Variants in DPP6 observed in about 807,000 individuals in gnomAD.
DPP6 encodes A-type potassium channel modulatory protein DPP6.
DPP6 carries 69 observed loss-of-function variants against 122.6 expected under a neutral mutation model. That is an observed-to-expected ratio of 0.56 (90% CI 0.46 to 0.69). DPP6 has a LOEUF of 0.69. Ranked by LOEUF, DPP6 falls within the 30% of genes least tolerant of loss-of-function variation. The probability of loss-of-function intolerance (pLI) is 0.00; values close to 1 mark genes in which losing one functional copy is unlikely to be tolerated. For missense variants in DPP6, 928 were observed against 1,116.9 expected, an observed-to-expected ratio of 0.83 and a Z score of 2.41; for synonymous variants, 418 against 433.1, an observed-to-expected ratio of 0.97 and a Z score of 0.43.
At chr7:154,051,503 G>A (rs1175870043), upstream of DPP6, among the ~76,000 whole-genome samples, 1 of 149,228 alleles carries the variant, frequency 6.7e-6, no homozygotes, top group African/African-American at 2.5e-5. Context: ...GAGCCCGCTG[G>A]TGCGGGTGTC....
At chr7:154,852,527 C>CCCTCTCCTG (rs1342991404) in intron 16 of DPP6, among the ~76,000 whole-genome samples, 1 of 151,876 alleles carries the variant, frequency 6.6e-6, no homozygotes. Flanking sequence ...TCCCTCTCCT[C>CCCTCTCCTG]CCTCTCCTGC....
At chr7:154,539,177 G>A (rs1284262024) in intron 3 of DPP6, among the ~76,000 whole-genome samples, 2 of 152,174 alleles carry the variant, frequency 1.3e-5, no homozygotes, top group Non-Finnish European at 2.9e-5. Flanking sequence ...CAGAAAGATA[G>A]TGTTTTCCTT....
intron 1 of DPP6, among the ~76,000 whole-genome samples, chr7:154,180,472 A>G (rs1463473422): frequency 1.4e-5 from 2 of 146,134 alleles, no homozygotes; most frequent in African/African-American, 5.0e-5. Context: ...ATATATATTT[A>G]TATAATGTTA....
chr7:154,496,774 C>T (rs1440575280), intron 3 of DPP6, among the ~76,000 whole-genome samples: 1 of 152,310 alleles, frequency 6.6e-6, no homozygotes, highest in East Asian at 1.9e-4. Flanking sequence ...AGGATCGAGG[C>T]CTTCCTTAGT....
rs540454909 is a variant in DPP6, at chr7:154,360,557, A to G, written c.244-85657A>G. Among the ~76,000 whole-genome samples the G allele has an allele frequency of 9.2e-5, 14 of 152,320 alleles. No homozygotes were observed. The South Asian group carries it at 2.7e-3, about 29-fold the overall frequency. On this transcript the variant is annotated intron_variant, in intron 1 of 25. Transcript: ENST00000377770. ...GTGTGTTGCTACCTCTGAAAACTTG[A>G]TTTAGTGCTGTCCAGCAAAAGTCTT...
the DPP6 span, among the ~76,000 whole-genome samples, chr7:153,815,158 G>A: frequency 1.3e-5 from 2 of 152,134 alleles, no homozygotes; most frequent in African/African-American, 2.4e-5. Context: ...AGGAAAAGAG[G>A]AAGTCAAATT....
chr7:154,267,576 CAT>C (rs1229091350), intron 1 of DPP6, among the ~76,000 whole-genome samples: 6 of 148,748 alleles, frequency 4.0e-5, no homozygotes, highest in Non-Finnish European at 7.4e-5. Context: ...TGTACACACA[CAT>C]ATGTGCACAT....
intron 3 of DPP6, among the ~76,000 whole-genome samples, chr7:154,536,024 C>G (rs1828225915): frequency 6.6e-6 from 1 of 152,148 alleles, no homozygotes; most frequent in South Asian, 2.1e-4. Flanking sequence ...TAGCTACAAC[C>G]TGGCAGCAAT....
intron 3 of DPP6, among the ~76,000 whole-genome samples, chr7:154,504,611 T>C (rs1055847584): frequency 1.3e-5 from 2 of 152,200 alleles, no homozygotes; most frequent in African/African-American, 4.8e-5. Flanking sequence ...GTCTCATTCT[T>C]CTTTTCTTGT....
chr7:154,059,212 G>C (rs1367374068), intron 1 of DPP6: 2 of 146,840 alleles, frequency 1.4e-5, no homozygotes, highest in African/African-American at 5.3e-5. Flanking sequence ...CCCCCCGCGA[G>C]GTAGGGACTG....
intron 1 of DPP6, among the ~76,000 whole-genome samples, chr7:153,918,524 AACACAC>A (rs71182852): frequency 0.32 from 24,895 of 77,394 alleles, 3,331 homozygotes; most frequent in East Asian, 0.52. Flanking sequence ...AGGTAATTAA[AACACAC>A]ACACACACAC....
At chr7:154,134,371 G>T (rs1171614348) in intron 1 of DPP6, among the ~76,000 whole-genome samples, 1 of 152,072 alleles carries the variant, frequency 6.6e-6, no homozygotes, top group Non-Finnish European at 1.5e-5. Flanking sequence ...ACAGCTCCTT[G>T]TACAGGGAGG....
intron 1 of DPP6, among the ~76,000 whole-genome samples, chr7:154,164,282 C>T (rs1324705183): frequency 2.7e-5 from 4 of 149,748 alleles, no homozygotes; most frequent in Admixed American, 6.7e-5. Flanking sequence ...CGCTCCTTCC[C>T]TCCTTCCTCC....
the DPP6 span, among the ~76,000 whole-genome samples, chr7:153,830,056 A>G: frequency 6.6e-6 from 1 of 152,220 alleles, no homozygotes; most frequent in Non-Finnish European, 1.5e-5. Flanking sequence ...TTATGTGTTT[A>G]TAGGAGACTG....
At chr7:154,547,787 C>G (rs1258509052) in intron 4 of DPP6, among the ~76,000 whole-genome samples, 1 of 151,378 alleles carries the variant, frequency 6.6e-6, no homozygotes, top group Admixed American at 6.6e-5. Context: ...TTTTGTCTTT[C>G]TTGTCCTACT....
intron 1 of DPP6, among the ~76,000 whole-genome samples, chr7:154,368,173 T>A (rs1171507354): frequency 6.6e-6 from 1 of 152,194 alleles, no homozygotes; most frequent in Admixed American, 6.5e-5. Context: ...TTGTTTAGAA[T>A]AATAACCTTA....
intron 1 of DPP6, among the ~76,000 whole-genome samples, chr7:154,169,632 A>AC (rs1797434856): frequency 6.6e-6 from 1 of 152,194 alleles, no homozygotes; most frequent in African/African-American, 2.4e-5. Flanking sequence ...TGCTTCATTA[A>AC]TGTAAGCTAA....
At chr7:153,823,436 G>A in the DPP6 span, among the ~76,000 whole-genome samples, 1 of 145,804 alleles carries the variant, frequency 6.9e-6, no homozygotes, top group African/African-American at 2.5e-5. Context: ...AGCTCTAAGC[G>A]GGGGGATGAA....
the DPP6 span, among the ~76,000 whole-genome samples, chr7:153,864,669 TAATACAC>T: frequency 5.2e-5 from 5 of 96,152 alleles, no homozygotes; most frequent in African/African-American, 2.0e-4. Context: ...AAAATAATAA[TAATACAC>T]ACACACACAC....
Sources: allele counts gnomAD v4.1 joint callset (sites outside exome capture counted in the v4.1 genomes callset), GRCh38; gene constraint gnomAD v4.1.1; transcripts MANE v1.5; gene names NCBI Gene and HGNC (gene_info 2026-07-23, HGNC 2026-07-21).